RAD50: variants seen among roughly 807,000 people sequenced by gnomAD.
The protein encoded by RAD50 is DNA repair protein RAD50.
Under a neutral mutation model 168.8 loss-of-function variants are expected in RAD50, and 132 were observed. The ratio of observed to expected loss-of-function variants is 0.78; its 90% CI spans 0.68 to 0.90. The LOEUF is 0.90. RAD50 is among the 40% of genes least tolerant of loss of function. The pLI is 0.00. For missense variants in RAD50, 1,347 were observed against 1,534.4 expected, an observed-to-expected ratio of 0.88 and a Z score of 2.04; for synonymous variants, 525 against 497.4, an observed-to-expected ratio of 1.06 and a Z score of -0.74.
chr5:132,639,348 C>T (rs758998513), intron 23 of RAD50, among the ~76,000 whole-genome samples: 3 of 134,650 alleles, frequency 2.2e-5, no homozygotes, highest in African/African-American at 2.9e-5. Flanking sequence ...AGCGAAACTC[C>T]GTCTCAAAAA....
chr5:132,600,383 A>G (rs369429852), intron 13 of RAD50, among the ~76,000 whole-genome samples: 30 of 152,222 alleles, frequency 2.0e-4, no homozygotes, highest in East Asian at 1.3e-3. Flanking sequence ...GCAGTTGTCC[A>G]TAAGAAGAAT....
chr5:132,640,550 C>G, intron 23 of RAD50, 122 bp from the exon 24 acceptor site: 1 of 1,368,714 alleles, frequency 7.3e-7, no homozygotes, highest in Non-Finnish European at 1.0e-6. Flanking sequence ...CAGTGCTTTA[C>G]CTAACAGTGA....
intron 7 of RAD50, among the ~76,000 whole-genome samples, chr5:132,588,452 G>A (rs1383902841): frequency 1.3e-5 from 2 of 152,156 alleles, no homozygotes; most frequent in Admixed American, 6.6e-5. Flanking sequence ...ACATCCACAT[G>A]CTCAGGGGTA....
At chr5:132,610,976 C>G (rs539087308) in intron 19 of RAD50, among the ~76,000 whole-genome samples, 47 of 151,970 alleles carry the variant, frequency 3.1e-4, no homozygotes, top group Non-Finnish European at 5.9e-4. Flanking sequence ...AAATGTATTT[C>G]AAATTAATGG....
intron 23 of RAD50, among the ~76,000 whole-genome samples, chr5:132,638,827 T>G (rs1410228480): frequency 1.3e-5 from 2 of 152,108 alleles, no homozygotes; most frequent in Non-Finnish European, 2.9e-5. Flanking sequence ...GGAATGAAGT[T>G]TTAAAGAATC....
At chr5:132,626,331 A>G (rs535594723) in intron 21 of RAD50, among the ~76,000 whole-genome samples, 2 of 152,332 alleles carry the variant, frequency 1.3e-5, no homozygotes, top group South Asian at 2.1e-4. Context: ...GGGATTGCAG[A>G]ATCATATGGT....
At chr5:132,609,624 A>T (rs1319786106) in intron 19 of RAD50, among the ~76,000 whole-genome samples, 1 of 152,142 alleles carries the variant, frequency 6.6e-6, no homozygotes, top group Non-Finnish European at 1.5e-5. Flanking sequence ...TGTACTGAAA[A>T]TACAAAAATT....
At position 132,565,651 on chromosome 5, in the gene RAD50, G is replaced by T. The variant is rs1447779924; in HGVS notation, c.213+6284G>T. 1.1e-4 allele frequency among the ~76,000 whole-genome samples: 17 copies of T among 152,054 alleles called. 1 individual carries two copies. Among genetic ancestry groups the T allele is most frequent in the Admixed American group, 1.1e-3 (17 of 15,260 alleles). ...GTCACTGAGAGGGTCACTCTTCTCA[G>T]TCTGATACTTTATACCAGGTGGCTT... On this transcript the variant is annotated intron_variant, in intron 2 of 24. Coordinates refer to ENST00000378823, the MANE Select transcript of RAD50 (RefSeq NM_005732.4).
At chr5:132,600,307 G>A (rs1334359730) in intron 13 of RAD50, among the ~76,000 whole-genome samples, 1 of 152,208 alleles carries the variant, frequency 6.6e-6, no homozygotes, top group Admixed American at 6.5e-5. Flanking sequence ...CTGAAGGGTG[G>A]TAGGAGGGGA....
At position 132,643,393 on chromosome 5, in the gene RAD50, C is replaced by A. The variant is rs536567192; in HGVS notation, c.*1029C>A. The stretch of plus-strand genomic sequence containing the variant: ...CCACACAGAATGCAACCAAGTCACA[C>A]GCTTTTGAATTATGCTTTGTAGAGT... On this transcript the variant is annotated 3_prime_UTR_variant, in exon 25 of 25. Transcript: ENST00000378823. 6 of 239,160 alleles carry A rather than the reference C, an allele frequency of 2.5e-5. No individual in the cohort carries two copies. The highest frequency in any genetic ancestry group is 5.1e-5 in the Non-Finnish European group (6 of 118,326). The allele number at this position is 239,160 out of a possible 1,614,324, so 14.8% of individuals were successfully genotyped here. A position where few individuals can be genotyped will look rare whatever the true frequency, so the allele number is the denominator to read the frequency against.
intron 21 of RAD50, among the ~76,000 whole-genome samples, chr5:132,629,400 G>A: frequency 6.6e-6 from 1 of 152,192 alleles, no homozygotes; most frequent in East Asian, 1.9e-4. Context: ...ACAGAGGCAT[G>A]CTGAGCAGAA....
intron 21 of RAD50, among the ~76,000 whole-genome samples, chr5:132,626,907 G>A (rs1282615861): frequency 6.6e-6 from 1 of 151,912 alleles, no homozygotes; most frequent in Non-Finnish European, 1.5e-5. Flanking sequence ...AGTCTCACTG[G>A]TTCTCTCAGC....
intron 2 of RAD50, among the ~76,000 whole-genome samples, chr5:132,562,577 A>G (rs751329815): frequency 1.2e-4 from 19 of 152,136 alleles, no homozygotes; most frequent in Non-Finnish European, 1.9e-4. Flanking sequence ...TAGGGGCACT[A>G]TGGAAAAAAT....
At chr5:132,639,307 C>T (rs560834499) in intron 23 of RAD50, among the ~76,000 whole-genome samples, 17 of 142,792 alleles carry the variant, frequency 1.2e-4, no homozygotes, top group South Asian at 4.4e-4. Flanking sequence ...GAGCCGAGAT[C>T]GTGCCATTGC....
In RAD50 at chr5:132,579,856, T is replaced by C. The variant is rs1750472097; in HGVS notation, c.552-6T>C. The C allele has an allele frequency of 6.2e-7, 1 of 1,605,482 alleles. No homozygotes were observed. Among genetic ancestry groups the C allele is most frequent in the Admixed American group, 1.7e-5 (1 of 59,960 alleles). On this transcript the variant is annotated splice_region_variant and splice_polypyrimidine_tract_variant and intron_variant, in intron 4 of 24. Transcript: ENST00000378823. ...GAAATTTGATTTTTGTTTCATATCT[T>C]CAAAGATACATTAAAGCCTTAGAAA...
intron 11 of RAD50, 54 bp from the exon 12 acceptor site, chr5:132,594,815 T>G: frequency 2.0e-6 from 3 of 1,534,784 alleles, no homozygotes; most frequent in Non-Finnish European, 2.7e-6. Context: ...ACTCAAATTT[T>G]CAAACTAATT....
rs922742090 is a variant in RAD50 at position 132,599,185 on chromosome 5, C to G, written c.2207+3375C>G. ...GGTTTCATGGGATGACTGGGCTCAGCTAGGTTAGCCAGGTAAATGGCTGGT... is the reference window on the plus strand; with the variant it reads ...GGTTTCATGGGATGACTGGGCTCAGGTAGGTTAGCCAGGTAAATGGCTGGT... On this transcript the variant is annotated intron_variant, in intron 13 of 24. Transcript: ENST00000378823. Among the ~76,000 whole-genome samples the G allele has an allele frequency of 3.3e-5, 5 of 152,168 alleles. No homozygotes were observed. In the East Asian group the frequency reaches 9.6e-4, roughly 29 times the overall value.
In RAD50 at chr5:132,579,904, A is replaced by G. The variant is rs1580987620; in HGVS notation, c.594A>G (p.Thr198=). The part of the protein sequence containing the change: ...ALETLRQVRQ[T]QGQKVKEYQM... Reference sequence around the variant, plus strand: ...AAACACTTCGGCAGGTACGTCAGACACAAGGTCAGAAAGTAAAAGAATATC... The same window carrying G: ...AAACACTTCGGCAGGTACGTCAGACGCAAGGTCAGAAAGTAAAAGAATATC... The change falls in exon 5 of 25, where the codon ACA becomes ACG. Residue 198 remains threonine, a synonymous_variant. Transcript: ENST00000378823. 1.2e-6 allele frequency: 2 copies of G among 1,613,098 alleles called. No homozygotes were observed. The highest frequency in any genetic ancestry group is 1.7e-6 in the Non-Finnish European group (2 of 1,179,132).
chr5:132,624,806 G>T (rs932873707), intron 21 of RAD50, among the ~76,000 whole-genome samples: 4 of 149,996 alleles, frequency 2.7e-5, no homozygotes, highest in African/African-American at 1.0e-4. Context: ...AGCCCGTGGC[G>T]GGTTGCAATG....
Sources: allele counts gnomAD v4.1 joint callset (sites outside exome capture counted in the v4.1 genomes callset), GRCh38; gene constraint gnomAD v4.1.1; transcripts MANE v1.5; gene names NCBI Gene and HGNC (gene_info 2026-07-23, HGNC 2026-07-21).